Variants in CPN1 observed in about 807,000 individuals in gnomAD.
CPN1 encodes the protein carboxypeptidase N catalytic chain.
In CPN1, 37 loss-of-function variants were observed where a neutral mutation model predicts 46.4. The ratio of observed to expected loss-of-function variants is 0.80; its 90% confidence interval spans 0.61 to 1.05. The LOEUF (loss-of-function observed/expected upper bound fraction) is 1.05, where lower values mean the gene tolerates loss of function less well. Ranked by LOEUF, CPN1 falls within the 50% of genes least tolerant of loss-of-function variation. The pLI, the probability that CPN1 is intolerant of heterozygous loss-of-function variation, is 0.00. For synonymous variants in CPN1, 224 were observed against 235.4 expected, an observed-to-expected ratio of 0.95 and a Z score of 0.44; for missense variants, 563 against 602.6, an observed-to-expected ratio of 0.93 and a Z score of 0.69.
intron 8 of CPN1, among the ~76,000 whole-genome samples, chr10:100,046,914 A>G (rs925121394): frequency 3.2e-4 from 48 of 151,824 alleles, no homozygotes; most frequent in African/African-American, 1.1e-3. Context: ...TCTCTACTAA[A>G]AATACAAAAA....
At chr10:100,049,066 C>T (rs1470174880) in intron 7 of CPN1, among the ~76,000 whole-genome samples, 190 bp from the exon 8 acceptor site, 3 of 152,142 alleles carry the variant, frequency 2.0e-5, no homozygotes, top group Non-Finnish European at 4.4e-5. Flanking sequence ...TCAAGCAATT[C>T]TCCTGCCTCA....
At chr10:100,045,898 C>T (rs1229902345) in intron 8 of CPN1, among the ~76,000 whole-genome samples, 2 of 152,048 alleles carry the variant, frequency 1.3e-5, no homozygotes, top group African/African-American at 2.4e-5. Context: ...AGGAGTGAGG[C>T]GGCCCTAGGA....
intron 2 of CPN1, among the ~76,000 whole-genome samples, chr10:100,074,875 C>T (rs943959051): frequency 6.6e-6 from 1 of 152,196 alleles, no homozygotes; most frequent in Non-Finnish European, 1.5e-5. Context: ...TGATGCACAG[C>T]CACAGAAGAG....
At chr10:100,057,794 T>C (rs1358553374) in intron 5 of CPN1, among the ~76,000 whole-genome samples, 1 of 152,106 alleles carries the variant, frequency 6.6e-6, no homozygotes, top group Non-Finnish European at 1.5e-5. Flanking sequence ...ATTGGGGTGA[T>C]GATAGCAGGT....
intron 8 of CPN1, 83 bp downstream of exon 8, chr10:100,048,675 G>C (rs915022078): frequency 3.9e-6 from 4 of 1,022,946 alleles, no homozygotes; most frequent in Non-Finnish European, 6.2e-6. Flanking sequence ...CTCCAGCCTG[G>C]GTGACAGAGC....
At chr10:100,045,843 G>T (rs560168020) in intron 8 of CPN1, among the ~76,000 whole-genome samples, 1 of 152,168 alleles carries the variant, frequency 6.6e-6, no homozygotes, top group African/African-American at 2.4e-5. Context: ...ACTGCATTGT[G>T]TTAATAGGGA....
intron 5 of CPN1, among the ~76,000 whole-genome samples, chr10:100,058,172 T>C (rs986731888): frequency 1.3e-5 from 2 of 152,008 alleles, no homozygotes; most frequent in African/African-American, 2.4e-5. Flanking sequence ...ATCCTTTATG[T>C]TTTTTTTCCA....
chr10:100,047,856 G>T (rs555104357), intron 8 of CPN1, among the ~76,000 whole-genome samples: 2 of 152,122 alleles, frequency 1.3e-5, no homozygotes, highest in South Asian at 4.2e-4. Flanking sequence ...GCCAGGTATG[G>T]TGGCACATGC....
chr10:100,076,475 G>T (rs2041515920), intron 1 of CPN1, among the ~76,000 whole-genome samples: 1 of 152,204 alleles, frequency 6.6e-6, no homozygotes. Flanking sequence ...CTCTATAGAG[G>T]CCCAAGCCCA....
intron 7 of CPN1, among the ~76,000 whole-genome samples, chr10:100,053,380 T>C (rs918566969): frequency 1.3e-5 from 2 of 152,282 alleles, no homozygotes; most frequent in African/African-American, 4.8e-5. Flanking sequence ...GGCTCACACC[T>C]GTAACCCTAG....
At chr10:100,063,115 T>A (rs1428442444) in intron 5 of CPN1, among the ~76,000 whole-genome samples, 1 of 151,908 alleles carries the variant, frequency 6.6e-6, no homozygotes, top group Admixed American at 6.6e-5. Flanking sequence ...TTTAGTTATT[T>A]TTTGTTTTTG....
At position 100,069,762 on chromosome 10, in the gene CPN1, G is replaced by A. The variant is rs558020878; in HGVS notation, c.528C>T (p.Tyr176=). The stretch of plus-strand genomic sequence containing the variant: ...GGGGCAGGTGGTGGTTGGGGCCTCC[G>A]TACTTCTCGTTATAGTAGATATAGG... ...LNTYIYYNEK[Y]GGPNHHLPLP... Residue 176 remains tyrosine (Y), a synonymous_variant, in exon 3 of 9, where the codon TAC becomes TAT. Coordinates refer to ENST00000370418, the MANE Select transcript of CPN1 (RefSeq NM_001308.3). 2.8e-4 allele frequency: 447 copies of A among 1,613,718 alleles called. 4 individuals carry two copies. The South Asian group carries it at 4.1e-3, about 15-fold the overall frequency.
At chr10:100,059,657 G>A (rs61871693) in intron 5 of CPN1, among the ~76,000 whole-genome samples, 10,684 of 150,324 alleles carry the variant, frequency 0.071, 639 homozygotes, top group African/African-American at 0.16. Flanking sequence ...CACAGGTGGT[G>A]TTTTCTATGG....
At chr10:100,071,948 T>C (rs1399614825) in intron 2 of CPN1, among the ~76,000 whole-genome samples, 2 of 152,090 alleles carry the variant, frequency 1.3e-5, no homozygotes, top group African/African-American at 4.8e-5. Flanking sequence ...CCAAATAAGA[T>C]CATAGTCACA....
At chr10:100,048,334 G>A (rs113286636) in intron 8 of CPN1, among the ~76,000 whole-genome samples, 1 of 152,106 alleles carries the variant, frequency 6.6e-6, no homozygotes, top group Admixed American at 6.6e-5. Flanking sequence ...TAGGATGTGC[G>A]AGCAATTAAT....
intron 8 of CPN1, 88 bp downstream of exon 8, chr10:100,048,670 G>A: frequency 1.0e-6 from 1 of 996,860 alleles, no homozygotes; most frequent in African/African-American, 1.6e-5. Context: ...CTGCACTCCA[G>A]CCTGGGTGAC....
At chr10:100,056,864 T>G (rs2041386908) in intron 6 of CPN1, 149 bp downstream of exon 6, 1 of 982,068 alleles carries the variant, frequency 1.0e-6, no homozygotes, top group African/African-American at 1.6e-5. Flanking sequence ...TCAATAATGT[T>G]GAATGAATAA....
At chr10:100,078,029 CCTTTTTCTTTTTT>C (rs1323921683) in intron 1 of CPN1, among the ~76,000 whole-genome samples, 26 of 152,154 alleles carry the variant, frequency 1.7e-4, no homozygotes, top group Admixed American at 3.3e-4. Context: ...TTTTGGCTCT[CCTTTTTCTTTTTT>C]CTTTTTCTTT....
chr10:100,048,765 G>A lies in CPN1; in HGVS notation c.1223C>T (p.Pro408Leu). The A allele has an allele frequency of 6.2e-7, 1 of 1,610,648 alleles. No individual in the cohort carries two copies. ...AAGCTCAGCCTAACTCACCAACGTT[G>A]GTTCCGCAGGACCCACGGTCACAGT... ...TVTVTVGPAEPTLVNFHLKRS... is the reference protein window; with the variant it reads ...TVTVTVGPAELTLVNFHLKRS... Residue 408 changes from proline to leucine, a missense_variant, in exon 8 of 9, where the codon CCA becomes CTA. By Grantham distance (98) the Pro-to-Leu change is moderately conservative. Transcript: ENST00000370418.
Sources: allele counts gnomAD v4.1 joint callset (sites outside exome capture counted in the v4.1 genomes callset), GRCh38; gene constraint gnomAD v4.1.1; transcripts MANE v1.5; gene names NCBI Gene and HGNC (gene_info 2026-07-23, HGNC 2026-07-21).